Variants in BICDL1 observed in about 807,000 individuals in gnomAD.
The protein encoded by BICDL1 is BICD family-like cargo adapter 1.
BICDL1 carries 20 observed loss-of-function variants against 76.8 expected under a neutral mutation model. The ratio of observed to expected loss-of-function variants is 0.26; its 90% CI spans 0.18 to 0.38. The LOEUF is 0.38. Among genes scored for constraint, BICDL1 ranks in the 10% least tolerant of loss-of-function variants. The pLI is 1.00. For missense variants in BICDL1, 700 were observed against 798.6 expected (o/e 0.88, Z 1.49); for synonymous variants, 383 against 337.1 (o/e 1.14, Z -1.49).
chr12:120,063,007 C>T (rs1427992294), intron 3 of BICDL1, among the ~76,000 whole-genome samples: 2 of 152,184 alleles, frequency 1.3e-5, no homozygotes, highest in African/African-American at 2.4e-5. Flanking sequence ...TGGCCTAACA[C>T]TGATTCCCTG....
intron 1 of BICDL1, 38 bp downstream of exon 1, chr12:119,990,335 G>T (rs1444515292): frequency 6.5e-7 from 1 of 1,544,280 alleles, no homozygotes; most frequent in South Asian, 1.2e-5. Flanking sequence ...GGGAGCAGGG[G>T]CCGCCCAGGC....
At chr12:120,049,987 A>C (rs1007680521) in intron 2 of BICDL1, among the ~76,000 whole-genome samples, 2 of 152,114 alleles carry the variant, frequency 1.3e-5, no homozygotes, top group Non-Finnish European at 2.9e-5. Flanking sequence ...TGTTCCTTTT[A>C]ATTGTAGCCT....
At chr12:120,090,977 C>T in intron 9 of BICDL1, 3 of 1,288,900 alleles carry the variant, frequency 2.3e-6, no homozygotes, top group Non-Finnish European at 3.0e-6. Context: ...TTTCTCAGTT[C>T]CCGTATCAAC....
intron 2 of BICDL1, among the ~76,000 whole-genome samples, chr12:120,013,820 A>G (rs1952007952): frequency 1.3e-5 from 2 of 152,198 alleles, no homozygotes; most frequent in Admixed American, 6.5e-5. Context: ...GCAGGGATCC[A>G]GAAAAGTCTC....
At chr12:119,992,009 T>C (rs1451607620) in intron 1 of BICDL1, among the ~76,000 whole-genome samples, 1 of 152,250 alleles carries the variant, frequency 6.6e-6, no homozygotes, top group Non-Finnish European at 1.5e-5. Context: ...ACTCTAGTTT[T>C]AAAAGTTCAA....
At position 120,071,023 on chromosome 12, in the gene BICDL1, C is replaced by T. The variant is rs1032870228; in HGVS notation, c.910-599C>T. ...GGTGTTACAGGCGTGAGCCACCACGCCCGGCCTGGTTGGTATAACTCAAGT... is the reference window on the plus strand; with the variant it reads ...GGTGTTACAGGCGTGAGCCACCACGTCCGGCCTGGTTGGTATAACTCAAGT... On this transcript the variant is annotated intron_variant, in intron 4 of 9. Coordinates refer to ENST00000548673, the MANE Select transcript of BICDL1 (RefSeq NM_001367886.1). The surrounding 1 kb of genome is among the most constrained non-coding windows in gnomAD (Gnocchi z 4.8). Among the ~76,000 whole-genome samples the T allele has an allele frequency of 1.3e-5, 2 of 152,170 alleles. No homozygotes were observed. Among genetic ancestry groups the T allele is most frequent in the African/African-American group, 4.8e-5 (2 of 41,428 alleles).
At chr12:120,072,782 G>A (rs539360773) in intron 6 of BICDL1, 53 bp downstream of exon 6, 4 of 1,514,938 alleles carry the variant, frequency 2.6e-6, no homozygotes, top group African/African-American at 2.7e-5. Flanking sequence ...GCTGGTGGGA[G>A]GTTAGAACCC....
intron 2 of BICDL1, among the ~76,000 whole-genome samples, chr12:120,013,305 C>G: frequency 7.6e-6 from 1 of 132,134 alleles, no homozygotes; most frequent in Non-Finnish European, 1.5e-5. Flanking sequence ...CAGAGCAAGA[C>G]TCCATCTCAA....
At chr12:120,082,668 C>T (rs781523237) in intron 8 of BICDL1, among the ~76,000 whole-genome samples, 9 of 151,950 alleles carry the variant, frequency 5.9e-5, no homozygotes, top group Non-Finnish European at 1.0e-4. Flanking sequence ...CTGCAGCTTC[C>T]ACCTCCTGGG....
rs545998613 is a variant in BICDL1, at chr12:119,999,372, A to G, written c.645+636A>G. Among the ~76,000 whole-genome samples, 272 of 152,332 alleles carry G rather than the reference A, an allele frequency of 1.8e-3. 1 individual carries two copies. The highest frequency in any genetic ancestry group is 6.0e-3 in the African/African-American group (250 of 41,564). On this transcript the variant is annotated intron_variant, in intron 2 of 9. Coordinates refer to ENST00000548673, the MANE Select transcript of BICDL1 (RefSeq NM_001367886.1). ...GTGATTACTTTACCTATGAAAGTCT[A>G]TCACTGGCAAAATTATGTTAATTCG...
intron 4 of BICDL1, among the ~76,000 whole-genome samples, chr12:120,069,419 C>G (rs7965829): frequency 0.13 from 20,277 of 152,150 alleles, 1,676 homozygotes; most frequent in East Asian, 0.4. Context: ...AAGTTACTAT[C>G]TCATCTGTCA....
chr12:119,995,192 C>T (rs1566200338), intron 1 of BICDL1, among the ~76,000 whole-genome samples: 1 of 152,164 alleles, frequency 6.6e-6, no homozygotes, highest in East Asian at 1.9e-4. Context: ...CTGACAGTCT[C>T]CCTAGAGTTT....
At chr12:120,034,877 T>C (rs1027536058) in intron 2 of BICDL1, among the ~76,000 whole-genome samples, 3 of 152,262 alleles carry the variant, frequency 2.0e-5, no homozygotes, top group African/African-American at 7.2e-5. Flanking sequence ...GCCTGCCACT[T>C]CCAGTCTCTG....
At position 120,047,002 on chromosome 12, in the gene BICDL1, T is replaced by C. The variant is rs142546517; in HGVS notation, c.646-14708T>C. Among the ~76,000 whole-genome samples, 8 of 152,328 alleles carry C rather than the reference T, an allele frequency of 5.3e-5. No homozygotes were observed. The East Asian group carries it at 1.5e-3, about 29-fold the overall frequency. The stretch of plus-strand genomic sequence containing the variant: ...TTTTTTCTTTTTCAATTAAAGCTGG[T>C]GCTGCTGGAGTTGCTGGTCTTTGAT... On this transcript the variant is annotated intron_variant, in intron 2 of 9. Transcript: ENST00000548673.
intron 8 of BICDL1, among the ~76,000 whole-genome samples, chr12:120,087,959 C>T (rs916451668): frequency 6.6e-6 from 1 of 152,012 alleles, no homozygotes; most frequent in Non-Finnish European, 1.5e-5. Context: ...GACAGAGTTT[C>T]GCTCTTGTTG....
At chr12:120,061,520 TG>T (rs769605819) in intron 2 of BICDL1, among the ~76,000 whole-genome samples, 189 bp from the exon 3 acceptor site, 6 of 136,548 alleles carry the variant, frequency 4.4e-5, no homozygotes, top group Non-Finnish European at 9.3e-5. Flanking sequence ...GGGTCATTAA[TG>T]GTAGAGGTGG....
intron 8 of BICDL1, among the ~76,000 whole-genome samples, chr12:120,083,541 T>C (rs1289927985): frequency 6.6e-6 from 1 of 152,172 alleles, no homozygotes; most frequent in Non-Finnish European, 1.5e-5. Flanking sequence ...AGAGCCACGG[T>C]GCCCAGCCCC....
intron 2 of BICDL1, among the ~76,000 whole-genome samples, chr12:120,058,576 G>A (rs1485376942): frequency 6.7e-6 from 1 of 149,088 alleles, no homozygotes; most frequent in Non-Finnish European, 1.5e-5. Context: ...CCTACCTTCT[G>A]TTAAAATTTT....
At chr12:120,005,646 G>A (rs1017238907) in intron 2 of BICDL1, among the ~76,000 whole-genome samples, 3 of 152,204 alleles carry the variant, frequency 2.0e-5, no homozygotes, top group African/African-American at 7.2e-5. Context: ...TGGGATTACA[G>A]GTGTGAGCCA....
Sources: allele counts gnomAD v4.1 joint callset (sites outside exome capture counted in the v4.1 genomes callset), GRCh38; gene constraint gnomAD v4.1.1; non-coding constraint Gnocchi (gnomAD v3.1); transcripts MANE v1.5; gene names NCBI Gene and HGNC (gene_info 2026-07-23, HGNC 2026-07-21).